SNIP1: variants seen among roughly 807,000 people sequenced by gnomAD.
SNIP1 encodes the protein smad nuclear-interacting protein 1.
Under a neutral mutation model 37.4 loss-of-function variants are expected in SNIP1, and 23 were observed. The ratio of observed to expected loss-of-function variants is 0.61; its 90% confidence interval spans 0.44 to 0.87. The LOEUF is 0.87. SNIP1 is among the 40% of genes least tolerant of loss of function. The pLI is 0.00. For synonymous variants in SNIP1, 174 were observed against 200.0 expected, an observed-to-expected ratio of 0.87 and a Z score of 1.10; for missense variants, 459 against 540.4, an observed-to-expected ratio of 0.85 and a Z score of 1.49.
rs1643336571 is a variant in SNIP1 at position 37,554,245 on chromosome 1, G to A, written c.-16C>T. The stretch of plus-strand genomic sequence containing the variant: ...CCGCCTTCATTCTGTGATTTTGGCT[G>A]GGCGAAAGAAAACAGATCAGTTGAG... On this transcript the variant is annotated 5_prime_UTR_variant, in exon 1 of 4. Transcript: ENST00000296215. The A allele has an allele frequency of 6.3e-7, 1 of 1,582,586 alleles. No homozygotes were observed. The highest frequency in any genetic ancestry group is 8.6e-7 in the Non-Finnish European group (1 of 1,161,880).
chr1:37,539,529 A>G (rs963663351), intron 3 of SNIP1, among the ~76,000 whole-genome samples: 1 of 152,116 alleles, frequency 6.6e-6, no homozygotes, highest in Admixed American at 6.6e-5. Context: ...GGCCAATACA[A>G]TGAAACCCCG....
At chr1:37,546,122 A>G (rs995871939) in intron 2 of SNIP1, among the ~76,000 whole-genome samples, 1 of 146,042 alleles carries the variant, frequency 6.8e-6, no homozygotes, top group African/African-American at 2.5e-5. Flanking sequence ...CAATACCCTA[A>G]AAGTGGAAGC....
At chr1:37,544,530 G>T (rs2148114598) in intron 2 of SNIP1, among the ~76,000 whole-genome samples, 1 of 151,962 alleles carries the variant, frequency 6.6e-6, no homozygotes, top group South Asian at 2.1e-4. Flanking sequence ...CAAAAATGTT[G>T]TTGTGTATTC....
chr1:37,538,624 A>T (rs376133832), intron 3 of SNIP1, among the ~76,000 whole-genome samples: 9 of 152,086 alleles, frequency 5.9e-5, no homozygotes, highest in African/African-American at 1.7e-4. Flanking sequence ...TTAAGAAAAT[A>T]CATTTTTTTC....
rs1557623973 is a variant in SNIP1 at position 37,538,017 on chromosome 1, CA to C, written c.927-6del. On this transcript the variant is annotated splice_region_variant and splice_polypyrimidine_tract_variant and intron_variant, in intron 3 of 3. Coordinates refer to ENST00000296215, the MANE Select transcript of SNIP1 (RefSeq NM_024700.4). ...GCACGGGTATATTCCACAAGCCTAG[CA>C]GAAAAAAAGGAGAAACCTGTGAGCA... The C allele has an allele frequency of 1.3e-6, 2 of 1,576,494 alleles. No homozygotes were observed. Among genetic ancestry groups the C allele is most frequent in the Admixed American group, 3.9e-5 (2 of 51,612 alleles).
In SNIP1 at chr1:37,537,522, A is replaced by G; in HGVS notation, c.*226T>C. 1 of 512,274 alleles carries G rather than the reference A, an allele frequency of 2.0e-6. No individual in the cohort carries two copies. The highest frequency in any genetic ancestry group is 3.4e-6 in the Non-Finnish European group (1 of 291,048). 31.7% of individuals were successfully genotyped at this position (512,274 alleles called of 1,614,324 possible). ...ATTGGTGAGACTGTTCTGAAAACAA[A>G]TGCCTGCAGGCATGTGGCCAAGGTG... On this transcript the variant is annotated 3_prime_UTR_variant, in exon 4 of 4. Coordinates refer to ENST00000296215, the MANE Select transcript of SNIP1 (RefSeq NM_024700.4).
intron 2 of SNIP1, among the ~76,000 whole-genome samples, chr1:37,547,794 A>G (rs1490149996): frequency 2.0e-5 from 3 of 152,032 alleles, no homozygotes; most frequent in African/African-American, 4.8e-5. Context: ...TGAGAAAAGA[A>G]TAAAGTAATC....
chr1:37,539,027 T>C (rs1487020009), intron 3 of SNIP1, among the ~76,000 whole-genome samples: 4 of 152,124 alleles, frequency 2.6e-5, no homozygotes, highest in Admixed American at 2.0e-4. Context: ...GCGCGCTCCT[T>C]ACGAGAATCT....
In SNIP1 at chr1:37,535,837, G is replaced by A. The variant is rs1643085725; in HGVS notation, c.*1911C>T. 1.3e-5 allele frequency: 2 copies of A among 150,284 alleles called. No homozygotes were observed. The highest frequency in any genetic ancestry group is 4.9e-5 in the African/African-American group (2 of 40,736). The allele number at this position is 150,284 out of a possible 1,614,324, so 9.3% of individuals were successfully genotyped here. A position where few individuals can be genotyped will look rare whatever the true frequency, so the allele number is the denominator to read the frequency against. ...CTTTTTTTTTTTTTTCTGAGACAGA[G>A]TCTCGCTGTCACCCAGGCTGGAGTG... On this transcript the variant is annotated 3_prime_UTR_variant, in exon 4 of 4. Coordinates refer to ENST00000296215, the MANE Select transcript of SNIP1 (RefSeq NM_024700.4).
chr1:37,547,099 T>A (rs1279384230), intron 2 of SNIP1, among the ~76,000 whole-genome samples: 1 of 152,220 alleles, frequency 6.6e-6, no homozygotes, highest in Non-Finnish European at 1.5e-5. Flanking sequence ...TACATACACC[T>A]ATATGCAGGT....
rs1363537231 is a variant in SNIP1 at position 37,535,470 on chromosome 1, TCTA to T, written c.*2275_*2277del. ...ATTTCTTAATCCAGGACGTTATTCC[TCTA>T]CTAAAATAAAAACTGACTAAACAAT... is the stretch of plus-strand genomic sequence containing the variant. On this transcript the variant is annotated 3_prime_UTR_variant, in exon 4 of 4. Coordinates refer to ENST00000296215, the MANE Select transcript of SNIP1 (RefSeq NM_024700.4). 2.6e-5 allele frequency: 4 copies of T among 151,842 alleles called. No homozygotes were observed. Among genetic ancestry groups the T allele is most frequent in the Admixed American group, 6.6e-5 (1 of 15,226 alleles). The allele number at this position is 151,842 out of a possible 1,614,324, so 9.4% of individuals were successfully genotyped here.
At chr1:37,552,026 T>C (rs973891279) in intron 2 of SNIP1, among the ~76,000 whole-genome samples, 2 of 152,170 alleles carry the variant, frequency 1.3e-5, no homozygotes, top group African/African-American at 2.4e-5. Flanking sequence ...TCCATGCCAT[T>C]TGGATACCAC....
chr1:37,538,226 G>A (rs1430790878), intron 3 of SNIP1, among the ~76,000 whole-genome samples: 4 of 152,100 alleles, frequency 2.6e-5, no homozygotes, highest in African/African-American at 9.7e-5. Flanking sequence ...AGGTGAGAAT[G>A]GACCGGGCGC....
intron 2 of SNIP1, among the ~76,000 whole-genome samples, chr1:37,548,315 T>C (rs1463484156): frequency 6.6e-6 from 1 of 151,908 alleles, no homozygotes; most frequent in East Asian, 1.9e-4. Context: ...TATTTGTCTT[T>C]TAAAATTTGC....
At chr1:37,550,528 G>A (rs4653298) in intron 2 of SNIP1, among the ~76,000 whole-genome samples, 61,294 of 151,100 alleles carry the variant, frequency 0.41, 13,328 homozygotes, top group East Asian at 0.59. Context: ...TCAAAATGAC[G>A]AAACCCCATC....
At chr1:37,539,781 T>C (rs1367007266) in intron 3 of SNIP1, among the ~76,000 whole-genome samples, 2 of 152,188 alleles carry the variant, frequency 1.3e-5, no homozygotes, top group Admixed American at 6.5e-5. Flanking sequence ...CCATGCAAGC[T>C]ATCAAGATCC....
At chr1:37,550,318 G>A (rs1643286392) in intron 2 of SNIP1, among the ~76,000 whole-genome samples, 1 of 152,150 alleles carries the variant, frequency 6.6e-6, no homozygotes. Flanking sequence ...AAAAATATTT[G>A]TAAACCATTT....
chr1:37,550,854 G>A (rs971571686), intron 2 of SNIP1, among the ~76,000 whole-genome samples: 2 of 152,134 alleles, frequency 1.3e-5, no homozygotes, highest in Non-Finnish European at 2.9e-5. Flanking sequence ...CCAGCACTTC[G>A]GGAGGCCGAG....
chr1:37,538,694 G>A (rs150546722), intron 3 of SNIP1, among the ~76,000 whole-genome samples: 5 of 151,950 alleles, frequency 3.3e-5, no homozygotes, highest in African/African-American at 1.2e-4. Context: ...TTTAGTTCCT[G>A]TCCAAATGGG....
Sources: allele counts gnomAD v4.1 joint callset (sites outside exome capture counted in the v4.1 genomes callset), GRCh38; gene constraint gnomAD v4.1.1; transcripts MANE v1.5; gene names NCBI Gene and HGNC (gene_info 2026-07-23, HGNC 2026-07-21).